NME7: variants seen among roughly 807,000 people sequenced by gnomAD.
NME7 encodes NME/NM23 family member 7.
A neutral mutation model predicts 49.1 loss-of-function variants in NME7; 41 were observed. The ratio of observed to expected loss-of-function variants is 0.83; its 90% CI spans 0.65 to 1.08. The LOEUF is 1.08. Among genes scored for constraint, NME7 ranks in the 50% least tolerant of loss-of-function variants. The pLI, the probability that NME7 is intolerant of heterozygous loss-of-function variation, is 0.00. For missense variants in NME7, 423 were observed against 463.4 expected (o/e 0.91, Z 0.80); for synonymous variants, 139 against 150.6 (o/e 0.92, Z 0.56).
intron 7 of NME7, among the ~76,000 whole-genome samples, chr1:169,281,376 T>C (rs1650006020): frequency 6.6e-6 from 1 of 152,220 alleles, no homozygotes; most frequent in Non-Finnish European, 1.5e-5. Context: ...GTTTTCTAAA[T>C]ATACAATAAT....
chr1:169,338,288 A>G (rs1215650347), intron 1 of NME7, among the ~76,000 whole-genome samples: 2 of 152,206 alleles, frequency 1.3e-5, no homozygotes, highest in East Asian at 3.8e-4. Flanking sequence ...CTTCAAGACA[A>G]TATCTCAGAA....
chr1:169,258,248 G>T (rs1250378594), intron 7 of NME7, among the ~76,000 whole-genome samples: 1 of 126,098 alleles, frequency 7.9e-6, no homozygotes, highest in African/African-American at 2.7e-5. Context: ...AGGCTGAGGT[G>T]GAAGGATCAC....
At chr1:169,308,610 T>G (rs1651270397) in intron 4 of NME7, among the ~76,000 whole-genome samples, 1 of 152,182 alleles carries the variant, frequency 6.6e-6, no homozygotes, top group Non-Finnish European at 1.5e-5. Context: ...GGTAGGAAAT[T>G]TTTTAAAAAC....
intron 5 of NME7, 84 bp downstream of exon 5, chr1:169,303,061 A>C (rs10919130): frequency 1.2e-6 from 1 of 847,170 alleles, no homozygotes; most frequent in Non-Finnish European, 1.9e-6. Context: ...ATTATTCTCA[A>C]GTAATAAATT....
At chr1:169,339,080 C>A (rs1214141166) in intron 1 of NME7, among the ~76,000 whole-genome samples, 1 of 151,954 alleles carries the variant, frequency 6.6e-6, no homozygotes, top group African/African-American at 2.4e-5. Context: ...TAAATATTTA[C>A]CAAAATAAAG....
chr1:169,209,260 A>G (rs1486970007), intron 10 of NME7, among the ~76,000 whole-genome samples: 1 of 152,062 alleles, frequency 6.6e-6, no homozygotes, highest in Non-Finnish European at 1.5e-5. Flanking sequence ...TTTAAATTCA[A>G]GATTGCATGC....
chr1:169,198,460 C>T (rs1163728542), intron 10 of NME7, among the ~76,000 whole-genome samples: 4 of 152,054 alleles, frequency 2.6e-5, no homozygotes, highest in African/African-American at 4.8e-5. Context: ...ACAACCCAAA[C>T]GTCTATCATT....
At chr1:169,144,759 G>A (rs1658701619) in intron 11 of NME7, among the ~76,000 whole-genome samples, 1 of 152,106 alleles carries the variant, frequency 6.6e-6, no homozygotes, top group Non-Finnish European at 1.5e-5. Flanking sequence ...CAGGCACTGT[G>A]GCGTGCACCT....
chr1:169,140,822 C>A (rs766987394), intron 11 of NME7, among the ~76,000 whole-genome samples: 89 of 151,976 alleles, frequency 5.9e-4, no homozygotes, highest in Non-Finnish European at 1.1e-3. Context: ...ACATCACAAT[C>A]ACCCTATGGA....
intron 7 of NME7, among the ~76,000 whole-genome samples, chr1:169,249,762 T>C (rs1479911174): frequency 6.6e-6 from 1 of 152,128 alleles, no homozygotes; most frequent in Non-Finnish European, 1.5e-5. Flanking sequence ...TTAATTCCTT[T>C]TATCAGATGT....
chr1:169,281,777 C>G (rs1223321153), intron 7 of NME7, among the ~76,000 whole-genome samples: 5 of 152,262 alleles, frequency 3.3e-5, no homozygotes, highest in Non-Finnish European at 7.4e-5. Flanking sequence ...GTTGAACCAG[C>G]CTTGCATTCC....
At chr1:169,321,020 T>C (rs2101934284) in intron 3 of NME7, among the ~76,000 whole-genome samples, 2 of 152,330 alleles carry the variant, frequency 1.3e-5, no homozygotes, top group Middle Eastern at 6.8e-3. Context: ...TTTAACAACA[T>C]TCACTTCAGT....
intron 1 of NME7, among the ~76,000 whole-genome samples, chr1:169,356,844 A>G (rs1653484004): frequency 6.6e-6 from 1 of 152,164 alleles, no homozygotes; most frequent in Non-Finnish European, 1.5e-5. Context: ...GCATAAGTTT[A>G]ATTTTGGATT....
intron 7 of NME7, chr1:169,286,953 C>CAAAAAA (rs71121752): frequency 0.21 from 25,116 of 117,340 alleles, 3,275 homozygotes; most frequent in Non-Finnish European, 0.3. Flanking sequence ...GACTCTGTCT[C>CAAAAAA]AAAAAAAAAA....
At chr1:169,239,508 C>G (rs899398630) in intron 7 of NME7, among the ~76,000 whole-genome samples, 1 of 151,964 alleles carries the variant, frequency 6.6e-6, no homozygotes, top group African/African-American at 2.4e-5. Flanking sequence ...GGGAAAGACA[C>G]TGAATTATTT....
At chr1:169,230,212 T>C (rs1252320936) in intron 10 of NME7, among the ~76,000 whole-genome samples, 1 of 152,110 alleles carries the variant, frequency 6.6e-6, no homozygotes, top group African/African-American at 2.4e-5. Flanking sequence ...CACACATACA[T>C]ACATGCACTG....
At chr1:169,167,439 CA>C (rs1279695753) in intron 11 of NME7, among the ~76,000 whole-genome samples, 5 of 151,964 alleles carry the variant, frequency 3.3e-5, no homozygotes, top group African/African-American at 1.2e-4. Context: ...CATTTTTCTT[CA>C]TTTAATCACT....
At chr1:169,240,521 G>T (rs1648045851) in intron 7 of NME7, among the ~76,000 whole-genome samples, 1 of 151,788 alleles carries the variant, frequency 6.6e-6, no homozygotes, top group Non-Finnish European at 1.5e-5. Context: ...TTAAAAGTTT[G>T]TTGCAATGTA....
At chr1:169,296,275 C>G (rs912118150) in intron 6 of NME7, among the ~76,000 whole-genome samples, 13 of 152,186 alleles carry the variant, frequency 8.5e-5, no homozygotes, top group Admixed American at 2.6e-4. Context: ...ACAAAGTTCA[C>G]CAATGATATC....
Sources: gnomAD v4.1 joint callset for allele counts (sites outside exome capture counted in the v4.1 genomes callset) on GRCh38, gnomAD v4.1.1 for gene constraint, MANE v1.5 for transcripts, NCBI Gene and HGNC (gene_info 2026-07-23, HGNC 2026-07-21) for gene names.